The following WBP2NL variants were observed in gnomAD, a reference collection of about 807,000 sequenced individuals.
The protein encoded by WBP2NL is WBP2 N-terminal like.
WBP2NL carries 27 observed loss-of-function variants against 23.3 expected under a neutral mutation model. The observed-to-expected ratio is 1.16, with a 90% CI of 0.85 to 1.60. The LOEUF is 1.60. Among genes scored for constraint, WBP2NL ranks in the 40% most tolerant of loss-of-function variants. The probability of loss-of-function intolerance (pLI) is 0.00; values close to 1 mark genes in which losing one functional copy is unlikely to be tolerated. For missense variants in WBP2NL, 370 were observed against 389.5 expected, an observed-to-expected ratio of 0.95 and a Z score of 0.42; for synonymous variants, 151 against 145.9, an observed-to-expected ratio of 1.03 and a Z score of -0.25.
chr22:42,011,642 G>T (rs749883194), intron 1 of WBP2NL, among the ~76,000 whole-genome samples: 3 of 152,000 alleles, frequency 2.0e-5, no homozygotes, highest in African/African-American at 4.8e-5. Context: ...GTGGTAGGTT[G>T]TGTTTTTCTA....
chr22:42,005,424 G>C (rs1265836167), intron 1 of WBP2NL, among the ~76,000 whole-genome samples: 2 of 152,140 alleles, frequency 1.3e-5, no homozygotes, highest in Non-Finnish European at 2.9e-5. Flanking sequence ...TGAGGCAGGA[G>C]AATTGCTTGA....
intron 5 of WBP2NL, among the ~76,000 whole-genome samples, chr22:42,022,970 A>G (rs553024206): frequency 4.1e-4 from 62 of 152,342 alleles, no homozygotes; most frequent in African/African-American, 1.4e-3. Context: ...TGTAACCTTA[A>G]TAGGTACCTT....
intron 8 of WBP2NL, among the ~76,000 whole-genome samples, chr22:42,049,540 A>G (rs1925736768): frequency 6.6e-6 from 1 of 151,692 alleles, no homozygotes; most frequent in Non-Finnish European, 1.5e-5. Flanking sequence ...AATACAAAAA[A>G]TTAGCCGGGC....
chr22:42,052,924 G>A (rs1326702214), intron 8 of WBP2NL, among the ~76,000 whole-genome samples: 1 of 152,232 alleles, frequency 6.6e-6, no homozygotes, highest in Non-Finnish European at 1.5e-5. Context: ...ATAGGCAACC[G>A]TAAGTACTGT....
chr22:42,027,284 G>A lies in WBP2NL; in HGVS notation c.*103G>A. ...TCAGGTATGTGATCACAGGCTTCTC[G>A]CAGGTAGTTGTTCCACCCTTTGGAA... On this transcript the variant is annotated 3_prime_UTR_variant, in exon 6 of 6. Coordinates refer to ENST00000328823, the MANE Select transcript of WBP2NL (RefSeq NM_152613.3). 6 of 1,416,584 alleles carry A rather than the reference G, an allele frequency of 4.2e-6. No individual in the cohort carries two copies. The highest frequency in any genetic ancestry group is 1.5e-5 in the South Asian group (1 of 66,852). 87.8% of individuals were successfully genotyped at this position (1,416,584 alleles called of 1,614,324 possible).
intron 8 of WBP2NL, among the ~76,000 whole-genome samples, chr22:42,055,238 G>A (rs939721001): frequency 2.6e-5 from 4 of 152,196 alleles, no homozygotes; most frequent in Admixed American, 6.5e-5. Context: ...GTGCAGTGGC[G>A]CGATCTTGGC....
At chr22:42,018,353 AAAAG>A (rs1226710104) in intron 1 of WBP2NL, among the ~76,000 whole-genome samples, 2 of 148,606 alleles carry the variant, frequency 1.3e-5, no homozygotes, top group Admixed American at 6.7e-5. Flanking sequence ...AGAGAGAGAG[AAAAG>A]AAAGGAAGGG....
intron 5 of WBP2NL, among the ~76,000 whole-genome samples, chr22:42,024,083 A>G (rs1050844585): frequency 6.6e-6 from 1 of 152,244 alleles, no homozygotes; most frequent in Non-Finnish European, 1.5e-5. Context: ...AAAAGAAATC[A>G]TACAATATGT....
rs1924546624 is a variant in WBP2NL at position 42,026,840 on chromosome 22, G to A, written c.589G>A (p.Gly197Arg). Residue 197 changes from glycine to arginine, a missense_variant, in exon 6 of 6, where the codon GGA (glycine) becomes AGA (arginine). By Grantham distance (125) the Gly-to-Arg change is moderately radical (BLOSUM62 -2). Coordinates refer to ENST00000328823, the MANE Select transcript of WBP2NL (RefSeq NM_152613.3). Reference protein sequence around the residue: ...PGYGAPPAGYGAQPVGNEGPP... With the variant: ...PGYGAPPAGYRAQPVGNEGPP... ...ATACGGAGCCCCACCTGCAGGATAT[G>A]GAGCCCAACCCGTAGGAAATGAAGG... 7.4e-6 allele frequency: 12 copies of A among 1,612,762 alleles called. No individual in the cohort carries two copies. The highest frequency in any genetic ancestry group is 1.7e-5 in the Admixed American group (1 of 59,834).
At chr22:42,028,745 C>T (rs1388027728), downstream of WBP2NL, among the ~76,000 whole-genome samples, 1 of 152,192 alleles carries the variant, frequency 6.6e-6, no homozygotes. Context: ...CTGAAAATTT[C>T]TGTATATATT....
chr22:42,049,843 G>A (rs549536997), intron 8 of WBP2NL, among the ~76,000 whole-genome samples: 2 of 152,032 alleles, frequency 1.3e-5, no homozygotes, highest in South Asian at 4.1e-4. Flanking sequence ...CAGGCATGGT[G>A]GCACATGCCT....
In WBP2NL at chr22:42,019,657, C is replaced by G. The variant is rs749525788; in HGVS notation, c.172-5C>G. The G allele has an allele frequency of 1.7e-5, 27 of 1,613,774 alleles. No homozygotes were observed. Among genetic ancestry groups the G allele is most frequent in the Non-Finnish European group, 1.4e-5 (16 of 1,180,008 alleles). ...TCCTTTTCCAAAGTTTCTGTCCTTG[C>G]GTAGGTGATTTTCATAACTTCATGC... On this transcript the variant is annotated splice_region_variant and splice_polypyrimidine_tract_variant and intron_variant, in intron 2 of 5. Transcript: ENST00000328823.
chr22:41,999,916 G>T (rs780788660), intron 1 of WBP2NL, among the ~76,000 whole-genome samples: 10 of 152,150 alleles, frequency 6.6e-5, no homozygotes, highest in Non-Finnish European at 1.2e-4. Context: ...AGCCAGAGGG[G>T]TGCCCATCTC....
intron 1 of WBP2NL, among the ~76,000 whole-genome samples, chr22:42,007,248 G>A (rs988798071): frequency 4.0e-5 from 6 of 151,800 alleles, no homozygotes; most frequent in South Asian, 2.1e-4. Context: ...GGTTTTTTTG[G>A]TCATTACTAT....
At chr22:42,040,303 A>C (rs1602477560) in intron 8 of WBP2NL, among the ~76,000 whole-genome samples, 1 of 149,316 alleles carries the variant, frequency 6.7e-6, no homozygotes, top group Non-Finnish European at 1.5e-5. Context: ...GCTCACTGCA[A>C]CCTCCGCCTC....
At chr22:42,038,852 C>T (rs113277751) in intron 8 of WBP2NL, among the ~76,000 whole-genome samples, 7,703 of 152,120 alleles carry the variant, frequency 0.051, 680 homozygotes, top group African/African-American at 0.18. Flanking sequence ...GATACACCCA[C>T]CTCGGCCTCC....
intron 1 of WBP2NL, chr22:42,001,380 A>G (rs1921657847): frequency 2.8e-6 from 2 of 714,684 alleles, no homozygotes; most frequent in African/African-American, 1.8e-5. Flanking sequence ...TTGCAGTGTC[A>G]TAGTTACCGA....
chr22:42,023,506 TG>T (rs1924166186), intron 5 of WBP2NL, among the ~76,000 whole-genome samples: 1 of 151,778 alleles, frequency 6.6e-6, no homozygotes, highest in South Asian at 2.1e-4. Flanking sequence ...TTTTTGTTTT[TG>T]TTTTTGTTTT....
rs183859557 is a variant in WBP2NL, at chr22:42,042,172, G to C, written c.*273+11349G>C. Among the ~76,000 whole-genome samples, 113 of 152,266 alleles carry C rather than the reference G, an allele frequency of 7.4e-4. 1 individual carries two copies. The highest frequency in any genetic ancestry group is 2.9e-4 in the Non-Finnish European group (20 of 68,018). On this transcript the variant is annotated intron_variant and NMD_transcript_variant, in intron 8 of 8. Coordinates refer to the WBP2NL transcript ENST00000436265. ...GTGTTCAACCTATTTGGGATCCTAT[G>C]GGCTTCTTCAGTCTGGACGTCTATT...
Sources: gnomAD v4.1 joint callset for allele counts (sites outside exome capture counted in the v4.1 genomes callset) on GRCh38, gnomAD v4.1.1 for gene constraint, MANE v1.5 for transcripts, NCBI Gene and HGNC (gene_info 2026-07-23, HGNC 2026-07-21) for gene names.